Variants in KLRB1 observed in about 807,000 individuals in gnomAD.
KLRB1 encodes the protein killer cell lectin-like receptor subfamily B member 1.
Under a neutral mutation model 33.5 loss-of-function variants are expected in KLRB1, and 27 were observed. The ratio of observed to expected loss-of-function variants is 0.81; its 90% confidence interval spans 0.59 to 1.11. The LOEUF is 1.11. KLRB1 is among the 50% of genes most tolerant of loss of function. KLRB1 has a pLI of 0.00. For synonymous variants in KLRB1, 64 were observed against 88.9 expected, an observed-to-expected ratio of 0.72 and a Z score of 1.58; for missense variants, 241 against 254.1, an observed-to-expected ratio of 0.95 and a Z score of 0.35.
intron 1 of KLRB1, among the ~76,000 whole-genome samples, chr12:9,607,356 CT>C: frequency 2.6e-4 from 12 of 46,764 alleles, no homozygotes; most frequent in African/African-American, 5.8e-4. Context: ...TTCTTTCTTC[CT>C]TTCTTTCTTT....
chr12:9,606,691 G>T (rs745830406), intron 1 of KLRB1, among the ~76,000 whole-genome samples: 1 of 73,390 alleles, frequency 1.4e-5, no homozygotes, highest in Non-Finnish European at 2.3e-5. Flanking sequence ...TGTATAAAAA[G>T]TATATATATA....
At chr12:9,600,137 C>T (rs1055357958) in intron 2 of KLRB1, among the ~76,000 whole-genome samples, 1 of 152,132 alleles carries the variant, frequency 6.6e-6, no homozygotes, top group East Asian at 1.9e-4. Context: ...TACAGTCTCA[C>T]CTGAACTTTA....
At chr12:9,604,209 C>T (rs115336823) in intron 1 of KLRB1, among the ~76,000 whole-genome samples, 24 of 152,056 alleles carry the variant, frequency 1.6e-4, no homozygotes, top group African/African-American at 4.3e-4. Flanking sequence ...AGGGGTCCGG[C>T]GGACGTTAGC....
intron 4 of KLRB1, 134 bp from the exon 5 acceptor site, chr12:9,598,295 G>T: frequency 2.7e-6 from 2 of 735,546 alleles, no homozygotes; most frequent in African/African-American, 1.8e-5. Flanking sequence ...CCTTCTTTGT[G>T]ATATTTCTGT....
chr12:9,606,752 ATATATATATTTTTTTT>A (rs1565444229), intron 1 of KLRB1, among the ~76,000 whole-genome samples: 9 of 29,836 alleles, frequency 3.0e-4, no homozygotes, highest in South Asian at 1.3e-3. Context: ...ATATATATAT[ATATATATATTTTTTTT>A]TTTTTTTTGA....
rs773666821 is a variant in KLRB1, at chr12:9,599,726, T to C, written c.259+41A>G. The C allele has an allele frequency of 2.5e-5, 30 of 1,184,028 alleles. No individual in the cohort carries two copies. The African/African-American group carries it at 4.2e-4, about 17-fold the overall frequency. 73.3% of individuals were successfully genotyped at this position (1,184,028 alleles called of 1,614,324 possible). On this transcript the variant is annotated intron_variant, in intron 3 of 5. Transcript: ENST00000229402. Reference sequence around the variant, plus strand: ...AAGGTAACACATGAAATCTACCAAATATTAACAGTTATTCTTAGGAAATTG... The same window carrying C: ...AAGGTAACACATGAAATCTACCAAACATTAACAGTTATTCTTAGGAAATTG...
intron 1 of KLRB1, among the ~76,000 whole-genome samples, chr12:9,607,466 G>A (rs1342983499): frequency 1.4e-5 from 2 of 146,492 alleles, no homozygotes; most frequent in African/African-American, 5.1e-5. Flanking sequence ...TAACCAATAG[G>A]CAGTGTGCCC....
In KLRB1 at chr12:9,594,906, C is replaced by T. The variant is rs999137561; in HGVS notation, c.*368G>A. Reference sequence around the variant, plus strand: ...GATAGCCCTCCCAGAGGAATCTTCACGGCTTGCCGCGTGCGGGAAGAGACA... The same window carrying T: ...GATAGCCCTCCCAGAGGAATCTTCATGGCTTGCCGCGTGCGGGAAGAGACA... On this transcript the variant is annotated 3_prime_UTR_variant, in exon 6 of 6. Transcript: ENST00000229402. 3.3e-5 allele frequency: 5 copies of T among 149,868 alleles called. No homozygotes were observed. The East Asian group carries it at 6.2e-4, about 19-fold the overall frequency. The allele number at this position is 149,868 out of a possible 1,614,324, so 9.3% of individuals were successfully genotyped here. A position where few individuals can be genotyped will look rare whatever the true frequency, so the allele number is the denominator to read the frequency against.
chr12:9,601,312 G>C (rs899772098), intron 2 of KLRB1, among the ~76,000 whole-genome samples, 189 bp downstream of exon 2: 1 of 151,114 alleles, frequency 6.6e-6, no homozygotes, highest in Non-Finnish European at 1.5e-5. Flanking sequence ...CTGAACGCTG[G>C]TTCCCCGGGT....
chr12:9,606,758 A>ATTTTTTTTTTTTTTTTTTTTTTTTTT (rs1285915836), intron 1 of KLRB1, among the ~76,000 whole-genome samples: 1 of 65,908 alleles, frequency 1.5e-5, no homozygotes, highest in African/African-American at 9.2e-5. Context: ...ATATATATAT[A>ATTTTTTTTTTTTTTTTTTTTTTTTTT]TATTTTTTTT....
At chr12:9,598,198 CTATT>C in intron 4 of KLRB1, 37 bp from the exon 5 acceptor site, 2 of 1,347,030 alleles carry the variant, frequency 1.5e-6, no homozygotes, top group Non-Finnish European at 2.1e-6. Flanking sequence ...ATCTGCTTAT[CTATT>C]CCTGGTTTGA....
At chr12:9,606,741 TATATATATATATATATATA>T (rs1565444201) in intron 1 of KLRB1, among the ~76,000 whole-genome samples, 245 of 23,374 alleles carry the variant, frequency 0.01, 1 homozygote, top group Middle Eastern at 0.019. Flanking sequence ...AAAGTATATA[TATATATATATATATATATA>T]TTTTTTTTTT....
At chr12:9,602,509 G>A (rs1320576550) in intron 1 of KLRB1, among the ~76,000 whole-genome samples, 2 of 152,086 alleles carry the variant, frequency 1.3e-5, no homozygotes, top group African/African-American at 2.4e-5. Context: ...TATTCTGGTA[G>A]TATATTGCTC....
chr12:9,601,931 G>T (rs756118256), intron 1 of KLRB1, among the ~76,000 whole-genome samples: 10 of 152,194 alleles, frequency 6.6e-5, no homozygotes, highest in Admixed American at 3.9e-4. Flanking sequence ...AAAATTAAGT[G>T]CATGTCTTAA....
rs1565444608 is a variant in KLRB1, at chr12:9,607,352, C to CTCT, written c.85+402_85+403insAGA. On this transcript the variant is annotated intron_variant, in intron 1 of 5. Transcript: ENST00000229402. ...CTTTCTTTCCTTTCTTTCTTTCTTTCTTCCTTTCTTTCTTTCTTTCTTTCT... is the reference window on the plus strand; with the variant it reads ...CTTTCTTTCCTTTCTTTCTTTCTTTCTCTTTCCTTTCTTTCTTTCTTTCTTTCT... Among the ~76,000 whole-genome samples the CTCT allele has an allele frequency of 7.5e-4, 49 of 64,920 alleles. 2 individuals carry two copies. The highest frequency in any genetic ancestry group is 2.6e-3 in the African/African-American group (47 of 18,102). 42.6% of individuals were successfully genotyped at this position (64,920 alleles called of 152,430 possible).
chr12:9,601,952 A>G (rs1864551236), intron 1 of KLRB1, among the ~76,000 whole-genome samples: 1 of 152,242 alleles, frequency 6.6e-6, no homozygotes, highest in Admixed American at 6.5e-5. Context: ...TGTATGAAGT[A>G]AGTCAAAGCA....
In KLRB1 at chr12:9,598,069, G is replaced by A. The variant is rs34291189; in HGVS notation, c.507C>T (p.Asn169=). 1,028 of 1,556,160 alleles carry A rather than the reference G, an allele frequency of 6.6e-4. No homozygotes were observed. The highest frequency in any genetic ancestry group is 8.2e-4 in the Non-Finnish European group (936 of 1,140,158). The change falls in exon 5 of 6, where the codon AAC becomes AAT. Residue 169 remains asparagine (N), a synonymous_variant. Transcript: ENST00000229402. ...ACTCATTAGAATTTAAAAAAGAGCC[G>A]TTTATCCACTTCCAGTTCTTTTCTG... The part of the protein sequence containing the change: ...SLSEKNWKWI[N]GSFLNSNDLE...
At chr12:9,607,405 T>TTTCTTTCCTTTC (rs1565444748) in intron 1 of KLRB1, among the ~76,000 whole-genome samples, 1 of 48,038 alleles carries the variant, frequency 2.1e-5, no homozygotes, top group Admixed American at 2.8e-4. Context: ...TCTTTCTTTC[T>TTTCTTTCCTTTC]TTTCTTTCTT....
Position 9,598,135 on chromosome 12 carries a change from G to T in KLRB1, c.441C>A (p.Asp147Glu). ...ELIHTQNLIR[D>E]KAILFWIGLN... The stretch of plus-strand genomic sequence containing the variant: ...ATCCAATCCAAAACAGAATTGCTTT[G>T]TCACGTATCAGGTTCTGTGTGTGTA... The change falls in exon 5 of 6, where the codon GAC becomes GAA. Residue 147 changes from aspartate to glutamate, a missense_variant. Coordinates refer to ENST00000229402, the MANE Select transcript of KLRB1 (RefSeq NM_002258.3). The T allele has an allele frequency of 6.2e-7, 1 of 1,604,910 alleles. No homozygotes were observed. The highest frequency in any genetic ancestry group is 8.5e-7 in the Non-Finnish European group (1 of 1,175,000).
Sources: allele counts gnomAD v4.1 joint callset (sites outside exome capture counted in the v4.1 genomes callset), GRCh38; gene constraint gnomAD v4.1.1; transcripts MANE v1.5; gene names NCBI Gene and HGNC (gene_info 2026-07-23, HGNC 2026-07-21).